Variants in ALG14 observed in about 807,000 individuals in gnomAD.
ALG14 encodes ALG14 UDP-N-acetylglucosaminyltransferase subunit, also known as UDP-N-acetylglucosamine transferase subunit ALG14.
ALG14 carries 17 observed loss-of-function variants against 22.8 expected under a neutral mutation model. The observed-to-expected ratio is 0.75, with a 90% CI of 0.51 to 1.12. The LOEUF is 1.12. Ranked by LOEUF, ALG14 falls within the 50% of genes most tolerant of loss-of-function variation. The pLI is 0.00. For missense variants in ALG14, 288 were observed against 271.8 expected (o/e 1.06, Z -0.42); for synonymous variants, 89 against 103.7 (o/e 0.86, Z 0.86).
intron 3 of ALG14, among the ~76,000 whole-genome samples, chr1:94,995,218 A>G (rs1198269420): frequency 3.9e-5 from 6 of 152,258 alleles, no homozygotes; most frequent in African/African-American, 1.2e-4. Flanking sequence ...TGATTCATTA[A>G]TTCTGAGTCA....
rs559030960 is a variant in ALG14 at position 95,047,418 on chromosome 1, A to T, written c.288+17448T>A. 3.9e-5 allele frequency among the ~76,000 whole-genome samples: 6 copies of T among 152,062 alleles called. No homozygotes were observed. The East Asian group carries it at 1.2e-3, about 30-fold the overall frequency. Reference sequence around the variant, plus strand: ...GAGTGCAGTGGCGTGATCTCGGCTCACTGCAACCTCTGCCTCCTGGTTCAA... The same window carrying T: ...GAGTGCAGTGGCGTGATCTCGGCTCTCTGCAACCTCTGCCTCCTGGTTCAA... On this transcript the variant is annotated intron_variant, in intron 2 of 3. Transcript: ENST00000370205.
At chr1:95,003,603 C>A (rs1344671193) in intron 3 of ALG14, among the ~76,000 whole-genome samples, 3 of 151,926 alleles carry the variant, frequency 2.0e-5, no homozygotes. Flanking sequence ...TGTGTGTCAT[C>A]ATGCCTGGCT....
chr1:95,051,411 G>A (rs1428664948), intron 2 of ALG14, among the ~76,000 whole-genome samples: 1 of 152,110 alleles, frequency 6.6e-6, no homozygotes, highest in Non-Finnish European at 1.5e-5. Context: ...TCTAAGCCAT[G>A]CTGATCTCTC....
rs1672514717 is a variant in ALG14, at chr1:94,982,331, G to A, written c.*745C>T. The A allele has an allele frequency of 6.6e-6, 1 of 152,058 alleles. No homozygotes were observed. The highest frequency in any genetic ancestry group is 2.4e-5 in the African/African-American group (1 of 41,354). 9.4% of individuals were successfully genotyped at this position (152,058 alleles called of 1,614,324 possible). A position where few individuals can be genotyped will look rare whatever the true frequency, so the allele number is the denominator to read the frequency against. On this transcript the variant is annotated 3_prime_UTR_variant, in exon 4 of 4. Transcript: ENST00000370205. ...AGTAGAGACAAGGTTTCACCATGTTGGTCAGGCTGGTGTCAAACTCCTGAC... is the reference window on the plus strand; with the variant it reads ...AGTAGAGACAAGGTTTCACCATGTTAGTCAGGCTGGTGTCAAACTCCTGAC...
In ALG14 at chr1:95,047,932, T is replaced by C. The variant is rs1674614177; in HGVS notation, c.288+16934A>G. On this transcript the variant is annotated intron_variant, in intron 2 of 3. Coordinates refer to ENST00000370205, the MANE Select transcript of ALG14 (RefSeq NM_144988.4). ...TCGAGGTTGCAGTGAGCTATGATCA[T>C]ACCACTATATTCCTGCCTGGGCAAC... Among the ~76,000 whole-genome samples, 4 of 152,140 alleles carry C rather than the reference T, an allele frequency of 2.6e-5. No homozygotes were observed. The South Asian group carries it at 6.2e-4, about 24-fold the overall frequency.
intron 2 of ALG14, among the ~76,000 whole-genome samples, chr1:95,055,808 T>C (rs998541926): frequency 3.6e-5 from 4 of 111,520 alleles, no homozygotes; most frequent in African/African-American, 1.4e-4. Context: ...CTGGTTAACA[T>C]GGTGAAATCC....
chr1:95,047,809 A>G (rs2100809206), intron 2 of ALG14, among the ~76,000 whole-genome samples: 1 of 152,176 alleles, frequency 6.6e-6, no homozygotes, highest in East Asian at 1.9e-4. Context: ...GCAAGACCCC[A>G]TCTCTACAAA....
intron 2 of ALG14, among the ~76,000 whole-genome samples, chr1:95,036,674 A>G (rs1674206563): frequency 6.6e-6 from 1 of 151,852 alleles, no homozygotes; most frequent in Non-Finnish European, 1.5e-5. Context: ...TGATCCGCCC[A>G]CCTCGACCTC....
chr1:95,071,154 G>A (rs903194264), intron 1 of ALG14, among the ~76,000 whole-genome samples: 1 of 152,194 alleles, frequency 6.6e-6, no homozygotes, highest in Admixed American at 6.5e-5. Context: ...GTAGTAAGTG[G>A]CAGAAATGTG....
rs577401532 is a variant in ALG14, at chr1:95,058,014, T to C, written c.288+6852A>G. Among the ~76,000 whole-genome samples, 7 of 151,938 alleles carry C rather than the reference T, an allele frequency of 4.6e-5. No individual in the cohort carries two copies. The South Asian group carries it at 1.2e-3, about 27-fold the overall frequency. ...AACAAAGGTATCTTCAGGCCGGGCATGGTGGGATCACCCCTGTAATCCCAG... is the reference window on the plus strand; with the variant it reads ...AACAAAGGTATCTTCAGGCCGGGCACGGTGGGATCACCCCTGTAATCCCAG... On this transcript the variant is annotated intron_variant, in intron 2 of 3. Transcript: ENST00000370205.
At chr1:95,052,413 C>T (rs76465889) in intron 2 of ALG14, among the ~76,000 whole-genome samples, 2,502 of 152,124 alleles carry the variant, frequency 0.016, 36 homozygotes, top group Non-Finnish European at 0.024. Flanking sequence ...AGAAGGAGTG[C>T]TCACAGTTAA....
intron 3 of ALG14, among the ~76,000 whole-genome samples, chr1:94,994,658 A>G (rs1479353006): frequency 6.6e-6 from 1 of 152,296 alleles, no homozygotes; most frequent in East Asian, 1.9e-4. Context: ...CTCAAACCCA[A>G]GCTTTTTGAA....
rs1163833168 is a variant in ALG14, at chr1:94,975,146, T to G, written c.*7930A>C. 6.6e-6 allele frequency: 1 copy of G among 152,322 alleles called. No homozygotes were observed. The highest frequency in any genetic ancestry group is 1.5e-5 in the Non-Finnish European group (1 of 68,130). The allele number at this position is 152,322 out of a possible 1,614,324, so 9.4% of individuals were successfully genotyped here. A position where few individuals can be genotyped will look rare whatever the true frequency, so the allele number is the denominator to read the frequency against. On this transcript the variant is annotated 3_prime_UTR_variant, in exon 4 of 4. Transcript: ENST00000370205. Reference sequence around the variant, plus strand: ...AAGAAGCCTCATACCCATTAGGAGTTGCCCTCCATTTCCCCTTCTCACTGC... The same window carrying G: ...AAGAAGCCTCATACCCATTAGGAGTGGCCCTCCATTTCCCCTTCTCACTGC...
intron 2 of ALG14, among the ~76,000 whole-genome samples, chr1:95,042,268 A>G (rs1427473183): frequency 1.3e-5 from 2 of 151,864 alleles, no homozygotes; most frequent in Non-Finnish European, 2.9e-5. Context: ...CTGCATTCAA[A>G]GCACTCATTG....
At chr1:95,031,043 G>C (rs1398878358) in intron 2 of ALG14, among the ~76,000 whole-genome samples, 1 of 152,166 alleles carries the variant, frequency 6.6e-6, no homozygotes, top group Non-Finnish European at 1.5e-5. Context: ...AGTTTAGCTG[G>C]GAGGGGAGTC....
intron 3 of ALG14, chr1:95,022,363 T>G (rs946925398): frequency 1.0e-6 from 1 of 985,440 alleles, no homozygotes; most frequent in African/African-American, 1.7e-5. Context: ...AATTTCACCA[T>G]GCAACTGGGA....
Position 94,983,133 on chromosome 1 carries a change from C to G in ALG14, c.594G>C (p.Gln198His). The G allele has an allele frequency of 6.2e-7, 1 of 1,614,170 alleles. No individual in the cohort carries two copies. Among genetic ancestry groups the G allele is most frequent in the Non-Finnish European group, 8.5e-7 (1 of 1,180,034 alleles). Residue 198 changes from glutamine (Q) to histidine (H), a missense_variant, in exon 4 of 4, where the codon CAG becomes CAC. Physicochemically the swap from Gln to His is conservative, Grantham distance 24. Transcript: ENST00000370205. ...GATACTTTTCTTTCAGAGCCGGCCA[C>G]TGAACAATGAAGTAATCTGAGAGAT... Reference protein sequence around the residue: ...LFHLSDYFIVQWPALKEKYPK... With the variant: ...LFHLSDYFIVHWPALKEKYPK...
intron 3 of ALG14, among the ~76,000 whole-genome samples, chr1:95,011,582 C>T (rs1297127522): frequency 6.6e-6 from 1 of 152,060 alleles, no homozygotes. Flanking sequence ...CCCGCCACAG[C>T]ACCTGGCTAA....
chr1:95,042,452 C>T (rs1287611021), intron 2 of ALG14, among the ~76,000 whole-genome samples: 7 of 152,122 alleles, frequency 4.6e-5, no homozygotes, highest in Non-Finnish European at 1.0e-4. Flanking sequence ...GCTCTGTTCC[C>T]AACTGTTTGT....
Sources: gnomAD v4.1 joint callset for allele counts (sites outside exome capture counted in the v4.1 genomes callset) on GRCh38, gnomAD v4.1.1 for gene constraint, MANE v1.5 for transcripts, NCBI Gene and HGNC (gene_info 2026-07-23, HGNC 2026-07-21) for gene names.